Variants in OPRM1 observed in about 807,000 individuals in gnomAD.
OPRM1 encodes opioid receptor mu 1.
In OPRM1, 27 loss-of-function variants were observed where a neutral mutation model predicts 31.8. The ratio of observed to expected loss-of-function variants is 0.85; its 90% CI spans 0.63 to 1.17. OPRM1 has a LOEUF of 1.17. Ranked by LOEUF, OPRM1 falls within the 50% of genes most tolerant of loss-of-function variation. OPRM1 has a pLI of 0.00. For synonymous variants in OPRM1, 196 were observed against 189.9 expected (o/e 1.03, Z -0.26); for missense variants, 536 against 511.1 (o/e 1.05, Z -0.47).
intron 1 of OPRM1, chr6:154,086,511 A>C: frequency 2.3e-6 from 2 of 863,426 alleles, no homozygotes; most frequent in Non-Finnish European, 2.8e-6. Flanking sequence ...TGGAATGGCT[A>C]GCATGCTAAT....
At chr6:154,203,815 A>G (rs1241706165) in intron 3 of OPRM1, among the ~76,000 whole-genome samples, 10 of 152,198 alleles carry the variant, frequency 6.6e-5, no homozygotes, top group African/African-American at 2.4e-4. Flanking sequence ...AGAATTGGCC[A>G]GAACCAGCTT....
intron 3 of OPRM1, among the ~76,000 whole-genome samples, chr6:154,152,820 C>G (rs1562511231): frequency 6.6e-6 from 1 of 152,104 alleles, no homozygotes; most frequent in Non-Finnish European, 1.5e-5. Context: ...GCCCCGAACT[C>G]CTGGGCTCAA....
At position 154,093,445 on chromosome 6, in the gene OPRM1, A is replaced by C. The variant is rs768115985; in HGVS notation, c.1164+1973A>C. On this transcript the variant is annotated intron_variant, in intron 3 of 3. Coordinates refer to ENST00000330432, the MANE Select transcript of OPRM1 (RefSeq NM_000914.5). ...TCTGGTGGAGCATTTCTCCTGAGTT[A>C]AGCATGATTATTCTTCAGTTGCCCG... 2 of 1,613,956 alleles carry C rather than the reference A, an allele frequency of 1.2e-6. No individual in the cohort carries two copies. The highest frequency in any genetic ancestry group is 3.3e-5 in the Admixed American group (2 of 60,010).
At chr6:154,108,074 A>C in intron 3 of OPRM1, 1 of 651,770 alleles carries the variant, frequency 1.5e-6, no homozygotes, top group Non-Finnish European at 2.8e-6. Context: ...CCAGCATGCC[A>C]GGCTTCTGGG....
chr6:154,095,470 C>T (rs1334494422), intron 3 of OPRM1, among the ~76,000 whole-genome samples: 1 of 152,194 alleles, frequency 6.6e-6, no homozygotes, highest in African/African-American at 2.4e-5. Flanking sequence ...ACCCTCTTAC[C>T]GTCAGTAATG....
At chr6:154,223,112 C>T in intron 3 of OPRM1, 2 of 1,299,432 alleles carry the variant, frequency 1.5e-6, no homozygotes, top group South Asian at 2.4e-5. Flanking sequence ...CCTTGGTGAA[C>T]ATTATGAAGA....
chr6:154,182,652 T>C (rs941629752), intron 3 of OPRM1, among the ~76,000 whole-genome samples: 4 of 152,176 alleles, frequency 2.6e-5, no homozygotes, highest in African/African-American at 9.6e-5. Flanking sequence ...TTAAAATACG[T>C]TTATGAGGTA....
intron 3 of OPRM1, among the ~76,000 whole-genome samples, chr6:154,161,579 C>T (rs920662437): frequency 6.6e-6 from 1 of 152,172 alleles, no homozygotes; most frequent in African/African-American, 2.4e-5. Context: ...ACCTTCCCTG[C>T]ACTCCCAAAA....
At chr6:154,031,988 T>A (rs953644486) in intron 1 of OPRM1, among the ~76,000 whole-genome samples, 4 of 152,186 alleles carry the variant, frequency 2.6e-5, no homozygotes, top group African/African-American at 9.7e-5. Context: ...CCAACAAGCA[T>A]GATCAGCAAG....
At chr6:154,135,487 A>AGAT (rs1798036064), downstream of OPRM1, among the ~76,000 whole-genome samples, 1 of 77,600 alleles carries the variant, frequency 1.3e-5, no homozygotes, top group South Asian at 3.3e-4. Flanking sequence ...ATATATAGAT[A>AGAT]GATATAGATA....
chr6:154,100,900 T>C (rs1331697990), intron 3 of OPRM1, among the ~76,000 whole-genome samples: 2 of 148,384 alleles, frequency 1.3e-5, no homozygotes, highest in Non-Finnish European at 1.5e-5. Flanking sequence ...TATGTATATA[T>C]AATCCAGGAT....
intron 1 of OPRM1, among the ~76,000 whole-genome samples, chr6:154,055,490 C>T (rs1783092836): frequency 6.6e-6 from 1 of 152,132 alleles, no homozygotes; most frequent in Admixed American, 6.5e-5. Context: ...CAGTATGCAA[C>T]CTACCAACAC....
At chr6:154,087,038 A>C (rs1174340888) in intron 1 of OPRM1, 1 of 983,892 alleles carries the variant, frequency 1.0e-6, no homozygotes, top group Non-Finnish European at 1.2e-6. Flanking sequence ...TAAAGTCCAA[A>C]CTAAAAGCAA....
chr6:154,038,375 A>G (rs17174630), upstream of OPRM1, among the ~76,000 whole-genome samples: 1,778 of 152,318 alleles, frequency 0.012, 39 homozygotes, highest in African/African-American at 0.041. Flanking sequence ...ATTTATTTCT[A>G]AAATAGAAGC....
intron 3 of OPRM1, among the ~76,000 whole-genome samples, chr6:154,147,876 T>C (rs1354586261): frequency 6.6e-6 from 1 of 152,250 alleles, no homozygotes; most frequent in African/African-American, 2.4e-5. Flanking sequence ...GGACCAGTCC[T>C]ATTTTCACCC....
At chr6:154,241,336 T>C (rs920866389) in intron 3 of OPRM1, among the ~76,000 whole-genome samples, 1 of 151,650 alleles carries the variant, frequency 6.6e-6, no homozygotes, top group Non-Finnish European at 1.5e-5. Flanking sequence ...GAACTGGTGA[T>C]GCAATGGCAC....
At position 154,119,043 on chromosome 6, in the gene OPRM1, T is replaced by G; in HGVS notation, c.*322T>G. The G allele has an allele frequency of 9.3e-7, 1 of 1,079,724 alleles. No homozygotes were observed. The highest frequency in any genetic ancestry group is 1.6e-5 in the African/African-American group (1 of 60,732). The allele number at this position is 1,079,724 out of a possible 1,614,324, so 66.9% of individuals were successfully genotyped here. On this transcript the variant is annotated 3_prime_UTR_variant, in exon 4 of 4. Transcript: ENST00000330432. ...CCCTTCTGTCTGTAAGATTTTATTT[T>G]CAAGCAAATATTTATGACCTCAACA...
upstream of OPRM1, among the ~76,000 whole-genome samples, chr6:154,038,077 T>C (rs140054797): frequency 4.6e-3 from 695 of 152,266 alleles, 8 homozygotes; most frequent in African/African-American, 0.016. Flanking sequence ...TAGTGAACAT[T>C]GGCAAAATAG....
chr6:154,221,892 T>TA (rs1297008115), intron 3 of OPRM1, among the ~76,000 whole-genome samples: 4 of 152,080 alleles, frequency 2.6e-5, no homozygotes, highest in Non-Finnish European at 4.4e-5. Context: ...AATAAATAAA[T>TA]AAAAAATAAA....
Sources: gnomAD v4.1 joint callset for allele counts (sites outside exome capture counted in the v4.1 genomes callset) on GRCh38, gnomAD v4.1.1 for gene constraint, MANE v1.5 for transcripts, NCBI Gene and HGNC (gene_info 2026-07-23, HGNC 2026-07-21) for gene names.